The following ANKRD6 variants were observed in gnomAD, a reference collection of about 807,000 sequenced individuals.
ANKRD6 encodes the protein ankyrin repeat domain 6, also known as ankyrin repeat domain-containing protein 6.
ANKRD6 carries 56 observed loss-of-function variants against 82.3 expected under a neutral mutation model. The observed-to-expected ratio is 0.68, with a 90% CI of 0.55 to 0.85. The LOEUF is 0.85. Ranked by LOEUF, ANKRD6 falls within the 40% of genes least tolerant of loss-of-function variation. The pLI is 0.00. For synonymous variants in ANKRD6, 347 were observed against 352.1 expected (o/e 0.99, Z 0.16); for missense variants, 852 against 907.6 (o/e 0.94, Z 0.79).
intron 1 of ANKRD6, among the ~76,000 whole-genome samples, chr6:89,511,260 C>T (rs544189726): frequency 3.9e-5 from 6 of 152,172 alleles, no homozygotes; most frequent in Non-Finnish European, 7.3e-5. Flanking sequence ...CCCTGGCTAC[C>T]TGGCCAGGGC....
At chr6:89,512,006 T>C (rs1417055458) in intron 1 of ANKRD6, among the ~76,000 whole-genome samples, 1 of 152,064 alleles carries the variant, frequency 6.6e-6, no homozygotes, top group Non-Finnish European at 1.5e-5. Context: ...CTCGAACTCC[T>C]GGGCTTAGGT....
chr6:89,477,159 T>C (rs1447810707), intron 1 of ANKRD6, among the ~76,000 whole-genome samples: 2 of 152,152 alleles, frequency 1.3e-5, no homozygotes, highest in Non-Finnish European at 2.9e-5. Context: ...TTAGCCAGGA[T>C]GGTCTCGATC....
Position 89,433,633 on chromosome 6 carries a change from C to T in ANKRD6, c.-144+258C>T, listed in dbSNP as rs1196536728. ...GTTGCCTCCCTGGAATATGGAACTT[C>T]GGGCGAGGGAGGTGGAGAACTTTCT... On this transcript the variant is annotated intron_variant, in intron 1 of 15. Transcript: ENST00000339746. This position sits in a 1 kb window ranked among gnomAD's most constrained non-coding sequence, Gnocchi z 4.3. Among the ~76,000 whole-genome samples, 1 of 152,184 alleles carries T rather than the reference C, an allele frequency of 6.6e-6. No individual in the cohort carries two copies. The highest frequency in any genetic ancestry group is 6.5e-5 in the Admixed American group (1 of 15,290).
rs1461734026 is a variant in ANKRD6, at chr6:89,633,599, T to C, written c.*2595T>C. ...AAGAAATTGTTAGTGCATTATTGAG[T>C]ATACTAAATATCTGTGATTAAATAA... On this transcript the variant is annotated 3_prime_UTR_variant, in exon 16 of 16. Transcript: ENST00000339746. The C allele has an allele frequency of 1.3e-5, 2 of 152,228 alleles. No homozygotes were observed. Among genetic ancestry groups the C allele is most frequent in the Non-Finnish European group, 2.9e-5 (2 of 68,044 alleles). 9.4% of individuals were successfully genotyped at this position (152,228 alleles called of 1,614,324 possible). A position where few individuals can be genotyped will look rare whatever the true frequency, so the allele number is the denominator to read the frequency against.
intron 1 of ANKRD6, among the ~76,000 whole-genome samples, chr6:89,461,645 A>G (rs964148030): frequency 6.6e-6 from 1 of 152,236 alleles, no homozygotes; most frequent in South Asian, 2.1e-4. Flanking sequence ...AATTAGGAAT[A>G]TTATTAAAAT....
chr6:89,472,986 C>T (rs867174374), intron 1 of ANKRD6, among the ~76,000 whole-genome samples: 24 of 151,980 alleles, frequency 1.6e-4, no homozygotes, highest in Non-Finnish European at 3.2e-4. Flanking sequence ...GATTTTTTTT[C>T]CCTAATCTCG....
intron 1 of ANKRD6, among the ~76,000 whole-genome samples, chr6:89,464,386 C>T (rs559786970): frequency 1.3e-5 from 2 of 152,246 alleles, no homozygotes; most frequent in African/African-American, 4.8e-5. Flanking sequence ...ATACAGAAAA[C>T]GTTTCTTTAG....
intron 2 of ANKRD6, among the ~76,000 whole-genome samples, chr6:89,587,014 C>T (rs1034683973): frequency 6.6e-6 from 1 of 151,892 alleles, no homozygotes; most frequent in Non-Finnish European, 1.5e-5. Flanking sequence ...CATGGTGAAA[C>T]CCCACCTCTA....
At chr6:89,444,517 A>G (rs965667688) in intron 1 of ANKRD6, among the ~76,000 whole-genome samples, 2 of 152,218 alleles carry the variant, frequency 1.3e-5, no homozygotes, top group African/African-American at 4.8e-5. Context: ...AAAATCTAAA[A>G]GTTGCATTGG....
At chr6:89,628,706 C>T (rs562301424) in intron 14 of ANKRD6, 2 of 234,658 alleles carry the variant, frequency 8.5e-6, no homozygotes, top group Admixed American at 5.2e-5. Context: ...GGAGGCAGAG[C>T]TTGCAGTGAG....
At chr6:89,588,769 G>T (rs551915667) in intron 2 of ANKRD6, among the ~76,000 whole-genome samples, 1 of 152,224 alleles carries the variant, frequency 6.6e-6, no homozygotes, top group African/African-American at 2.4e-5. Context: ...ATTTTGGGAG[G>T]CCAAGGCAGG....
intron 1 of ANKRD6, among the ~76,000 whole-genome samples, chr6:89,504,332 T>G (rs1445819955): frequency 6.6e-6 from 1 of 152,092 alleles, no homozygotes; most frequent in East Asian, 1.9e-4. Context: ...GGTTTGTAGG[T>G]TCTCCATAGA....
At chr6:89,611,836 A>G (rs888434666) in intron 5 of ANKRD6, among the ~76,000 whole-genome samples, 43 of 152,384 alleles carry the variant, frequency 2.8e-4, no homozygotes, top group African/African-American at 9.9e-4. Flanking sequence ...CAGGGATTGT[A>G]ACCACAGCTA....
chr6:89,442,964 C>T (rs894030687), intron 1 of ANKRD6, among the ~76,000 whole-genome samples: 2 of 152,146 alleles, frequency 1.3e-5, no homozygotes, highest in Non-Finnish European at 2.9e-5. Flanking sequence ...AATAGAGACT[C>T]TTTGCAGAAG....
At chr6:89,527,823 G>GT (rs1222546706) in intron 1 of ANKRD6, among the ~76,000 whole-genome samples, 3 of 151,794 alleles carry the variant, frequency 2.0e-5, no homozygotes, top group East Asian at 1.9e-4. Flanking sequence ...GTTTTGTTTT[G>GT]TTTTTTGACA....
intron 1 of ANKRD6, among the ~76,000 whole-genome samples, chr6:89,529,378 C>T (rs1782878715): frequency 6.6e-6 from 1 of 152,212 alleles, no homozygotes; most frequent in African/African-American, 2.4e-5. Context: ...GACTTTTCTT[C>T]TGCAGCTTCC....
At chr6:89,621,228 G>A (rs1430952279) in intron 9 of ANKRD6, 1 of 152,204 alleles carries the variant, frequency 6.6e-6, no homozygotes, top group Non-Finnish European at 1.5e-5. Flanking sequence ...CATTTGAGAA[G>A]ACAGAGCGCA....
At chr6:89,536,231 AAG>A (rs890475247) in intron 1 of ANKRD6, among the ~76,000 whole-genome samples, 1 of 152,206 alleles carries the variant, frequency 6.6e-6, no homozygotes, top group Non-Finnish European at 1.5e-5. Flanking sequence ...CTGTTTCAGA[AAG>A]AGAGAGAGAA....
chr6:89,604,556 C>T (rs1159132052), intron 4 of ANKRD6, among the ~76,000 whole-genome samples: 1 of 151,656 alleles, frequency 6.6e-6, no homozygotes, highest in African/African-American at 2.4e-5. Context: ...AATATACATA[C>T]AGAAAAGTGG....
Sources: gnomAD v4.1 joint callset for allele counts (sites outside exome capture counted in the v4.1 genomes callset) on GRCh38, gnomAD v4.1.1 for gene constraint, Gnocchi (gnomAD v3.1) non-coding constraint, MANE v1.5 for transcripts, NCBI Gene and HGNC (gene_info 2026-07-23, HGNC 2026-07-21) for gene names.